TLN2: variants seen among roughly 807,000 people sequenced by gnomAD.
The protein encoded by TLN2 is talin 2.
Under a neutral mutation model 294.7 loss-of-function variants are expected in TLN2, and 118 were observed. The ratio of observed to expected loss-of-function variants is 0.40; its 90% confidence interval spans 0.34 to 0.47. The LOEUF is 0.47. TLN2 is among the 20% of genes least tolerant of loss of function. TLN2 has a pLI of 0.84. For synonymous variants in TLN2, 1,431 were observed against 1,304.5 expected, an observed-to-expected ratio of 1.10 and a Z score of -2.09; for missense variants, 3,083 against 3,282.2, an observed-to-expected ratio of 0.94 and a Z score of 1.48.
intron 11 of TLN2, among the ~76,000 whole-genome samples, chr15:62,682,412 C>T (rs936613250): frequency 5.3e-5 from 8 of 152,058 alleles, no homozygotes; most frequent in East Asian, 1.9e-4. Flanking sequence ...AGCATGTCTG[C>T]GAGTCATATA....
intron 1 of TLN2, among the ~76,000 whole-genome samples, chr15:62,431,502 G>C (rs1032460563): frequency 1.3e-5 from 2 of 152,210 alleles, no homozygotes; most frequent in Non-Finnish European, 2.9e-5. Context: ...ACCGGAACAG[G>C]TAACGGTAAA....
intron 2 of TLN2, among the ~76,000 whole-genome samples, chr15:62,603,766 C>T (rs554536931): frequency 1.3e-5 from 2 of 152,238 alleles, no homozygotes; most frequent in South Asian, 2.1e-4. Flanking sequence ...AAGGACATTT[C>T]GGTGGAATCT....
chr15:62,676,615 ATCT>A (rs1407561225), intron 11 of TLN2, among the ~76,000 whole-genome samples: 1 of 152,002 alleles, frequency 6.6e-6, no homozygotes, highest in Non-Finnish European at 1.5e-5. Context: ...TACTACTACT[ATCT>A]TCTTTTGTTT....
intron 1 of TLN2, among the ~76,000 whole-genome samples, chr15:62,479,940 TATCTGAAGAGTTACTA>T (rs1221912829): frequency 2.0e-5 from 3 of 152,246 alleles, no homozygotes; most frequent in Admixed American, 1.3e-4. Context: ...AAAGCCAGCT[TATCTGAAGAGTTACTA>T]ATAGGCACCA....
intron 2 of TLN2, among the ~76,000 whole-genome samples, chr15:62,604,232 C>A (rs1596315852): frequency 6.6e-6 from 1 of 151,990 alleles, no homozygotes; most frequent in East Asian, 1.9e-4. Flanking sequence ...AAAGGGTTGT[C>A]AAGGCGGGGC....
At chr15:62,600,809 TA>T (rs2046932078) in intron 2 of TLN2, among the ~76,000 whole-genome samples, 1 of 152,224 alleles carries the variant, frequency 6.6e-6, no homozygotes, top group South Asian at 2.1e-4. Flanking sequence ...AGCACCTCTT[TA>T]TTATTTCCTG....
intron 1 of TLN2, among the ~76,000 whole-genome samples, chr15:62,466,268 C>T (rs2140352224): frequency 6.6e-6 from 1 of 152,274 alleles, no homozygotes; most frequent in South Asian, 2.1e-4. Flanking sequence ...ATGTCTGGAC[C>T]GAGGAGCCTA....
intron 1 of TLN2, among the ~76,000 whole-genome samples, chr15:62,403,657 C>G (rs761523489): frequency 6.6e-6 from 1 of 152,182 alleles, no homozygotes; most frequent in Non-Finnish European, 1.5e-5. Flanking sequence ...CTCTTTGGAA[C>G]CCTTCCACTG....
intron 1 of TLN2, among the ~76,000 whole-genome samples, chr15:62,521,871 A>G (rs780009445): frequency 6.6e-6 from 1 of 152,182 alleles, no homozygotes; most frequent in South Asian, 2.1e-4. Flanking sequence ...CCATTTCCTC[A>G]GTGTCTGCTC....
At chr15:62,537,790 G>T (rs1222930912) in intron 1 of TLN2, among the ~76,000 whole-genome samples, 1 of 152,132 alleles carries the variant, frequency 6.6e-6, no homozygotes, top group African/African-American at 2.4e-5. Context: ...CCTGTGCTCT[G>T]GGGAGTTTCT....
chr15:62,606,082 A>T (rs1025397061), intron 2 of TLN2, among the ~76,000 whole-genome samples: 14 of 144,832 alleles, frequency 9.7e-5, no homozygotes, highest in African/African-American at 3.2e-4. Flanking sequence ...TTTCAAAAAG[A>T]TTTTTTTTTT....
chr15:62,815,173 TCTGTCA>T (rs2066999581), intron 52 of TLN2, among the ~76,000 whole-genome samples: 2 of 134,048 alleles, frequency 1.5e-5, no homozygotes, highest in African/African-American at 5.4e-5. Context: ...TTTTATTCTG[TCTGTCA>T]CACACACACA....
intron 1 of TLN2, among the ~76,000 whole-genome samples, chr15:62,562,372 G>A (rs1456712366): frequency 6.6e-6 from 1 of 152,058 alleles, no homozygotes; most frequent in East Asian, 1.9e-4. Flanking sequence ...TGTGGCCCTC[G>A]TCCTTCACTG....
intron 1 of TLN2, among the ~76,000 whole-genome samples, chr15:62,485,073 T>C (rs1013212900): frequency 2.0e-5 from 3 of 152,124 alleles, no homozygotes; most frequent in Non-Finnish European, 4.4e-5. Flanking sequence ...CAAATCCAGC[T>C]ATGTGGTATC....
At chr15:62,398,877 CCAGCTG>C (rs2032776464) in intron 1 of TLN2, among the ~76,000 whole-genome samples, 1 of 152,116 alleles carries the variant, frequency 6.6e-6, no homozygotes, top group African/African-American at 2.4e-5. Flanking sequence ...GAATTTCAAG[CCAGCTG>C]CAGAAATTTG....
chr15:62,684,939 A>C (rs2057157614), intron 11 of TLN2, among the ~76,000 whole-genome samples: 1 of 150,816 alleles, frequency 6.6e-6, no homozygotes, highest in Non-Finnish European at 1.5e-5. Flanking sequence ...ACACATCCAC[A>C]AATGCATAGA....
intron 1 of TLN2, among the ~76,000 whole-genome samples, chr15:62,530,010 G>C (rs1205964940): frequency 6.6e-6 from 1 of 152,136 alleles, no homozygotes; most frequent in Non-Finnish European, 1.5e-5. Context: ...TGACCAACTG[G>C]TGAAACCCCT....
At chr15:62,671,419 A>T (rs2055406700) in intron 9 of TLN2, among the ~76,000 whole-genome samples, 1 of 152,164 alleles carries the variant, frequency 6.6e-6, no homozygotes, top group African/African-American at 2.4e-5. Flanking sequence ...TAGCTATTAC[A>T]TTTAGGTCTG....
chr15:62,428,334 C>T lies in TLN2; in HGVS notation c.-238+37649C>T, dbSNP rs114000947. On this transcript the variant is annotated intron_variant, in intron 1 of 58. Transcript: ENST00000636159. ...AGTTAATGCACACAGTAAAGGTTTC[C>T]AACTAGAAGCTTATTTTGTTTGTTT... is the stretch of plus-strand genomic sequence containing the variant. Among the ~76,000 whole-genome samples, 582 of 152,258 alleles carry T rather than the reference C, an allele frequency of 3.8e-3. 6 individuals are homozygous for T. The highest frequency in any genetic ancestry group is 0.013 in the African/African-American group (525 of 41,554).
Sources: allele counts gnomAD v4.1 joint callset (sites outside exome capture counted in the v4.1 genomes callset), GRCh38; gene constraint gnomAD v4.1.1; transcripts MANE v1.5; gene names NCBI Gene and HGNC (gene_info 2026-07-23, HGNC 2026-07-21).